FGGY: variants seen among roughly 807,000 people sequenced by gnomAD.
The protein encoded by FGGY is FGGY carbohydrate kinase domain containing.
In FGGY, 72 loss-of-function variants were observed where a neutral mutation model predicts 71.3. That is an observed-to-expected ratio of 1.01 (90% CI 0.84 to 1.23). The LOEUF is 1.23. FGGY is among the 50% of genes most tolerant of loss of function. The probability of loss-of-function intolerance (pLI) is 0.00; values close to 1 mark genes in which losing one functional copy is unlikely to be tolerated. For missense variants in FGGY, 668 were observed against 682.3 expected, an observed-to-expected ratio of 0.98 and a Z score of 0.23; for synonymous variants, 251 against 250.3, an observed-to-expected ratio of 1.00 and a Z score of -0.02.
At chr1:59,392,095 T>C (rs183701164) in intron 5 of FGGY, among the ~76,000 whole-genome samples, 27 of 152,314 alleles carry the variant, frequency 1.8e-4, no homozygotes, top group East Asian at 1.5e-3. Flanking sequence ...GTCTTTTTCC[T>C]GACCCAAGAA....
At chr1:59,736,734 T>G (rs1240078488) in intron 14 of FGGY, among the ~76,000 whole-genome samples, 1 of 152,152 alleles carries the variant, frequency 6.6e-6, no homozygotes, top group Non-Finnish European at 1.5e-5. Flanking sequence ...AGCATGAAAG[T>G]TTGCAAAATT....
chr1:59,574,201 G>C (rs1256150778), intron 8 of FGGY, among the ~76,000 whole-genome samples: 2 of 152,206 alleles, frequency 1.3e-5, no homozygotes, highest in Non-Finnish European at 2.9e-5. Context: ...TCCCTCTGGA[G>C]GTTCCAGGGG....
chr1:59,450,627 A>G (rs1184351016), intron 5 of FGGY, among the ~76,000 whole-genome samples: 8 of 152,136 alleles, frequency 5.3e-5, no homozygotes, highest in Non-Finnish European at 1.0e-4. Flanking sequence ...GTCTCTTCAC[A>G]TTCTGAAAGT....
At chr1:59,573,075 A>G (rs145811421) in intron 8 of FGGY, among the ~76,000 whole-genome samples, 21 of 152,346 alleles carry the variant, frequency 1.4e-4, no homozygotes, top group African/African-American at 4.8e-4. Flanking sequence ...GAGATTCTAT[A>G]AAATAACTTG....
chr1:59,437,456 A>T (rs1025465484), intron 5 of FGGY, among the ~76,000 whole-genome samples: 5 of 152,240 alleles, frequency 3.3e-5, no homozygotes, highest in African/African-American at 1.2e-4. Flanking sequence ...AAACATACAC[A>T]TCAGCAAAGA....
At chr1:59,679,261 A>G (rs2097469501) in intron 14 of FGGY, among the ~76,000 whole-genome samples, 2 of 152,090 alleles carry the variant, frequency 1.3e-5, no homozygotes, top group Admixed American at 6.5e-5. Context: ...TGATTTTTGT[A>G]TATAACATGT....
chr1:59,521,475 T>A (rs770049923), intron 7 of FGGY, among the ~76,000 whole-genome samples: 1 of 152,094 alleles, frequency 6.6e-6, no homozygotes, highest in Non-Finnish European at 1.5e-5. Flanking sequence ...TCCCCATGTG[T>A]CCCCAGTTTT....
rs192933085 is a variant in FGGY at position 59,668,840 on chromosome 1, A to T, written c.1417+1437A>T. On this transcript the variant is annotated intron_variant, in intron 13 of 15. Coordinates refer to ENST00000303721, the MANE Select transcript of FGGY (RefSeq NM_018291.5). ...TCTACTAAAAATACAAAAAAAAAAA[A>T]ATTAGCCAGGCGTGGTGGCGCATGC... Among the ~76,000 whole-genome samples the T allele has an allele frequency of 1.3e-3, 192 of 152,116 alleles. 1 individual carries two copies. Among genetic ancestry groups the T allele is most frequent in the African/African-American group, 4.5e-3 (188 of 41,492 alleles).
At chr1:59,736,778 C>T (rs2098108943) in intron 14 of FGGY, among the ~76,000 whole-genome samples, 2 of 152,176 alleles carry the variant, frequency 1.3e-5, no homozygotes, top group South Asian at 2.1e-4. Context: ...AAGAAAACCT[C>T]GTTTTCTGAG....
chr1:59,576,635 G>A (rs756283866), intron 8 of FGGY, among the ~76,000 whole-genome samples: 6 of 151,352 alleles, frequency 4.0e-5, no homozygotes, highest in Non-Finnish European at 8.8e-5. Flanking sequence ...TCCAGTGAGA[G>A]TGATATTTGC....
chr1:59,334,826 C>T (rs2049160691), intron 2 of FGGY, among the ~76,000 whole-genome samples: 1 of 152,016 alleles, frequency 6.6e-6, no homozygotes, highest in Non-Finnish European at 1.5e-5. Context: ...GTCGCTCATG[C>T]TTTTTCTATA....
At chr1:59,554,944 G>C (rs187108968) in intron 8 of FGGY, among the ~76,000 whole-genome samples, 3 of 152,184 alleles carry the variant, frequency 2.0e-5, no homozygotes, top group Non-Finnish European at 2.9e-5. Flanking sequence ...AGGGCAGAGT[G>C]GGGGAGGAGC....
intron 4 of FGGY, among the ~76,000 whole-genome samples, chr1:59,373,994 C>G (rs918756191): frequency 7.2e-5 from 11 of 152,174 alleles, no homozygotes; most frequent in African/African-American, 2.7e-4. Context: ...TAGGCATGGG[C>G]AAGGACTTCA....
chr1:59,468,812 C>T (rs2092783613), intron 6 of FGGY, among the ~76,000 whole-genome samples: 1 of 148,846 alleles, frequency 6.7e-6, no homozygotes, highest in Non-Finnish European at 1.5e-5. Context: ...GCGGAGCTTG[C>T]AGTGAGCCAA....
intron 14 of FGGY, among the ~76,000 whole-genome samples, chr1:59,744,216 G>T (rs1010327623): frequency 1.3e-5 from 2 of 152,228 alleles, no homozygotes; most frequent in South Asian, 2.1e-4. Context: ...GTTAGTTAAG[G>T]CCCAAGCCAT....
chr1:59,312,628 G>A (rs2044568443), intron 1 of FGGY, among the ~76,000 whole-genome samples: 1 of 152,202 alleles, frequency 6.6e-6, no homozygotes, highest in African/African-American at 2.4e-5. Flanking sequence ...GATGTTTGTT[G>A]GTGGAGTTTG....
intron 6 of FGGY, among the ~76,000 whole-genome samples, chr1:59,465,264 A>G (rs998888680): frequency 3.0e-4 from 45 of 152,252 alleles, no homozygotes; most frequent in African/African-American, 1.0e-3. Flanking sequence ...CAAAAACCAC[A>G]TGATTATCTC....
chr1:59,384,427 A>G (rs1299570187), intron 5 of FGGY, among the ~76,000 whole-genome samples: 3 of 152,118 alleles, frequency 2.0e-5, no homozygotes, highest in Non-Finnish European at 4.4e-5. Context: ...TTCTACTTGC[A>G]TATCAAGGTG....
chr1:59,572,512 A>C (rs897741838), intron 8 of FGGY, among the ~76,000 whole-genome samples: 1 of 152,156 alleles, frequency 6.6e-6, no homozygotes, highest in Non-Finnish European at 1.5e-5. Context: ...GGATAAGATA[A>C]TTGAATTACA....
Sources: gnomAD v4.1 joint callset for allele counts (sites outside exome capture counted in the v4.1 genomes callset) on GRCh38, gnomAD v4.1.1 for gene constraint, MANE v1.5 for transcripts, NCBI Gene and HGNC (gene_info 2026-07-23, HGNC 2026-07-21) for gene names.